The following GPR137B variants were observed in gnomAD, a reference collection of about 807,000 sequenced individuals.
GPR137B encodes the protein integral membrane protein GPR137B.
Under a neutral mutation model 42.5 loss-of-function variants are expected in GPR137B, and 42 were observed. The ratio of observed to expected loss-of-function variants is 0.99; its 90% CI spans 0.77 to 1.28. The LOEUF is 1.28. GPR137B is among the 50% of genes most tolerant of loss of function. The probability of loss-of-function intolerance (pLI) is 0.00; values close to 1 mark genes in which losing one functional copy is unlikely to be tolerated. For missense variants in GPR137B, 487 were observed against 493.9 expected (o/e 0.99, Z 0.13); for synonymous variants, 218 against 209.7 (o/e 1.04, Z -0.34).
At chr1:236,182,842 G>C (rs960959374) in intron 4 of GPR137B, among the ~76,000 whole-genome samples, 2 of 152,020 alleles carry the variant, frequency 1.3e-5, no homozygotes, top group Admixed American at 1.3e-4. Context: ...TGGTTATCTA[G>C]ATGTGTGTTG....
intron 2 of GPR137B, among the ~76,000 whole-genome samples, chr1:236,169,262 C>T (rs932760041): frequency 6.7e-6 from 1 of 150,192 alleles, no homozygotes; most frequent in Non-Finnish European, 1.5e-5. Context: ...GCAGCTGTGG[C>T]AGGGCCTCGC....
intron 5 of GPR137B, among the ~76,000 whole-genome samples, chr1:236,188,892 A>G (rs2102917965): frequency 6.6e-6 from 1 of 152,290 alleles, no homozygotes; most frequent in East Asian, 1.9e-4. Flanking sequence ...TTCAGAAGGA[A>G]TGGTACCAGC....
At chr1:236,152,108 G>C (rs2102891997) in intron 1 of GPR137B, among the ~76,000 whole-genome samples, 1 of 152,048 alleles carries the variant, frequency 6.6e-6, no homozygotes, top group South Asian at 2.1e-4. Flanking sequence ...GCAACATAAA[G>C]TTCAACTGGA....
chr1:236,163,672 A>C (rs1455747876), intron 1 of GPR137B, among the ~76,000 whole-genome samples: 1 of 151,498 alleles, frequency 6.6e-6, no homozygotes, highest in Non-Finnish European at 1.5e-5. Flanking sequence ...CTTCTTCCTC[A>C]TTTTTTTCTC....
chr1:236,182,588 A>C (rs1431033134), intron 4 of GPR137B, among the ~76,000 whole-genome samples: 1 of 152,072 alleles, frequency 6.6e-6, no homozygotes, highest in Non-Finnish European at 1.5e-5. Context: ...TAAAAAATTA[A>C]AATTAAAAAA....
intron 1 of GPR137B, among the ~76,000 whole-genome samples, chr1:236,145,912 C>G (rs887437892): frequency 6.6e-6 from 1 of 152,124 alleles, no homozygotes; most frequent in Non-Finnish European, 1.5e-5. Flanking sequence ...TAGAGCCTTG[C>G]TTTGTGGTGA....
chr1:236,152,807 C>T (rs1016142295), intron 1 of GPR137B, among the ~76,000 whole-genome samples: 7 of 151,770 alleles, frequency 4.6e-5, no homozygotes, highest in Non-Finnish European at 1.0e-4. Context: ...TCTATAATCC[C>T]AGCACTTTGG....
chr1:236,208,713 G>A lies in GPR137B; in HGVS notation c.*555G>A. The A allele has an allele frequency of 1.0e-6, 1 of 984,922 alleles. No homozygotes were observed. The highest frequency in any genetic ancestry group is 4.7e-5 in the South Asian group (1 of 21,258). 61.0% of individuals were successfully genotyped at this position (984,922 alleles called of 1,614,324 possible). ...TTGATAATTAAAATGAAATGGTAAA[G>A]CAGCAGACTGTAAGGTCTTTAGAGA... On this transcript the variant is annotated 3_prime_UTR_variant, in exon 7 of 7. Coordinates refer to ENST00000366592, the MANE Select transcript of GPR137B (RefSeq NM_003272.4).
At chr1:236,151,054 C>T (rs1393715680) in intron 1 of GPR137B, among the ~76,000 whole-genome samples, 4 of 152,192 alleles carry the variant, frequency 2.6e-5, no homozygotes. Context: ...CATGTGATCC[C>T]AAGAGCCGCT....
At chr1:236,173,416 G>A (rs7418648) in intron 2 of GPR137B, among the ~76,000 whole-genome samples, 69 of 149,438 alleles carry the variant, frequency 4.6e-4, no homozygotes, top group South Asian at 1.1e-3. Context: ...GAGAGAGAGA[G>A]AGGAAGGAGG....
In GPR137B at chr1:236,159,481, T is replaced by C. The variant is rs1662124496; in HGVS notation, c.415-9225T>C. On this transcript the variant is annotated intron_variant, in intron 1 of 6. Coordinates refer to ENST00000366592, the MANE Select transcript of GPR137B (RefSeq NM_003272.4). Reference sequence around the variant, plus strand: ...GAGTTCAAGACCAGCCTGATCAACATTGTGAAACCCCGTCTCTTTTTGTAT... The same window carrying C: ...GAGTTCAAGACCAGCCTGATCAACACTGTGAAACCCCGTCTCTTTTTGTAT... 2.0e-5 allele frequency among the ~76,000 whole-genome samples: 3 copies of C among 151,820 alleles called. No homozygotes were observed. The South Asian group carries it at 6.3e-4, about 32-fold the overall frequency.
At chr1:236,196,451 T>G (rs1460979375) in intron 5 of GPR137B, among the ~76,000 whole-genome samples, 1 of 152,212 alleles carries the variant, frequency 6.6e-6, no homozygotes, top group Non-Finnish European at 1.5e-5. Context: ...AGAATTAATA[T>G]TATTTTTAAA....
At chr1:236,180,400 G>A (rs1208368532) in intron 4 of GPR137B, among the ~76,000 whole-genome samples, 1 of 152,164 alleles carries the variant, frequency 6.6e-6, no homozygotes, top group African/African-American at 2.4e-5. Context: ...TGGTTCACAT[G>A]GGAGACAAGT....
intron 5 of GPR137B, among the ~76,000 whole-genome samples, chr1:236,188,048 C>T (rs934957990): frequency 3.9e-5 from 6 of 152,132 alleles, no homozygotes; most frequent in Non-Finnish European, 5.9e-5. Flanking sequence ...TCCTTCATAT[C>T]CCTTGTAAGT....
At chr1:236,204,089 C>T (rs995750129) in intron 5 of GPR137B, among the ~76,000 whole-genome samples, 1 of 150,820 alleles carries the variant, frequency 6.6e-6, no homozygotes, top group East Asian at 1.9e-4. Flanking sequence ...TATGTTTCTT[C>T]TTTCCCCGGT....
At chr1:236,175,904 C>T (rs1256406385) in intron 2 of GPR137B, among the ~76,000 whole-genome samples, 1 of 152,166 alleles carries the variant, frequency 6.6e-6, no homozygotes, top group Non-Finnish European at 1.5e-5. Flanking sequence ...TGACCTACAC[C>T]AAGGGCTTTA....
intron 5 of GPR137B, among the ~76,000 whole-genome samples, chr1:236,193,894 T>C (rs532826286): frequency 1.3e-5 from 2 of 152,334 alleles, no homozygotes; most frequent in East Asian, 1.9e-4. Context: ...TATTTATCTT[T>C]TGTTGCTCGT....
chr1:236,146,407 C>T (rs889816116), intron 1 of GPR137B, among the ~76,000 whole-genome samples: 24 of 152,006 alleles, frequency 1.6e-4, no homozygotes, highest in African/African-American at 5.6e-4. Context: ...GGAAGGAAGT[C>T]GTGGGGGCAG....
intron 4 of GPR137B, among the ~76,000 whole-genome samples, chr1:236,180,648 T>TG (rs921707165): frequency 2.5e-4 from 38 of 152,072 alleles, no homozygotes; most frequent in Non-Finnish European, 3.8e-4. Flanking sequence ...TTTTTTTTTT[T>TG]TTTGAGACGG....
Sources: gnomAD v4.1 joint callset for allele counts (sites outside exome capture counted in the v4.1 genomes callset) on GRCh38, gnomAD v4.1.1 for gene constraint, MANE v1.5 for transcripts, NCBI Gene and HGNC (gene_info 2026-07-23, HGNC 2026-07-21) for gene names.